The following RAB27B variants were observed in gnomAD, a reference collection of about 807,000 sequenced individuals.
RAB27B encodes the protein ras-related protein Rab-27B.
Under a neutral mutation model 24.6 loss-of-function variants are expected in RAB27B, and 15 were observed. The ratio of observed to expected loss-of-function variants is 0.61; its 90% CI spans 0.41 to 0.94. The LOEUF (loss-of-function observed/expected upper bound fraction) is 0.94. Ranked by LOEUF, RAB27B falls within the 40% of genes least tolerant of loss-of-function variation. The pLI is 0.00. For synonymous variants in RAB27B, 105 were observed against 92.5 expected (o/e 1.14, Z -0.78); for missense variants, 261 against 266.8 (o/e 0.98, Z 0.15).
chr18:54,763,822 C>T (rs1452442141), intron 2 of RAB27B, among the ~76,000 whole-genome samples: 3 of 152,160 alleles, frequency 2.0e-5, no homozygotes, highest in African/African-American at 7.2e-5. Flanking sequence ...CAGCAAGTGT[C>T]TGGTCTCAGT....
At chr18:54,734,272 G>A (rs1909822066) in intron 2 of RAB27B, among the ~76,000 whole-genome samples, 1 of 152,094 alleles carries the variant, frequency 6.6e-6, no homozygotes, top group South Asian at 2.1e-4. Context: ...TCACTCCACT[G>A]TAGAGTCGGA....
intron 2 of RAB27B, among the ~76,000 whole-genome samples, chr18:54,799,263 C>A (rs1294291195): frequency 6.6e-6 from 1 of 152,082 alleles, no homozygotes; most frequent in East Asian, 1.9e-4. Context: ...CTTCATTTAT[C>A]ATCAATGACA....
At chr18:54,794,728 C>T (rs542433436) in intron 2 of RAB27B, among the ~76,000 whole-genome samples, 4 of 152,294 alleles carry the variant, frequency 2.6e-5, no homozygotes, top group African/African-American at 7.2e-5. Flanking sequence ...GATTAGCTAG[C>T]GCTGAACAGA....
At chr18:54,769,392 C>T (rs952467802) in intron 2 of RAB27B, among the ~76,000 whole-genome samples, 4 of 151,904 alleles carry the variant, frequency 2.6e-5, no homozygotes, top group Non-Finnish European at 5.9e-5. Context: ...AAGTATATTT[C>T]TTCACCATTT....
intron 2 of RAB27B, chr18:54,745,664 T>TA (rs916899465): frequency 6.6e-6 from 1 of 151,744 alleles, no homozygotes; most frequent in East Asian, 1.9e-4. Flanking sequence ...AAAACATTAA[T>TA]AAAAATAAAA....
chr18:54,834,794 CTT>C lies in RAB27B; in HGVS notation c.-20+6096_-20+6097del, dbSNP rs1910830356. ...AAACGTTTAGGGAAAAAGCATAAGA[CTT>C]TATTTTAGTCCTCTTTCTGGCTTCG... On this transcript the variant is annotated intron_variant, in intron 1 of 5. Transcript: ENST00000262094. 2.0e-5 allele frequency among the ~76,000 whole-genome samples: 3 copies of C among 150,046 alleles called. No homozygotes were observed. In the South Asian group the frequency reaches 6.2e-4, roughly 31 times the overall value.
At chr18:54,739,722 T>C (rs1034177309) in intron 2 of RAB27B, among the ~76,000 whole-genome samples, 2 of 152,236 alleles carry the variant, frequency 1.3e-5, no homozygotes, top group Non-Finnish European at 2.9e-5. Context: ...TCCAAAGTGA[T>C]TGTTGCATTT....
At chr18:54,768,533 A>G (rs925035360) in intron 2 of RAB27B, among the ~76,000 whole-genome samples, 1 of 152,088 alleles carries the variant, frequency 6.6e-6, no homozygotes, top group African/African-American at 2.4e-5. Flanking sequence ...TATTGTCATC[A>G]CTAAACTACC....
Position 54,789,763 on chromosome 18 carries a change from A to G in RAB27B, c.-20+71622A>G, listed in dbSNP as rs9951578. ...TATCACAAGGACTGGTTATGTTAAA[A>G]TTACCTTCTTCATCCTTCCTATTTC... On this transcript the variant is annotated intron_variant, in intron 2 of 4. Coordinates refer to the RAB27B transcript ENST00000586570. Among the ~76,000 whole-genome samples the G allele has an allele frequency of 5.9e-3, 896 of 152,214 alleles. 6 individuals carry two copies. The highest frequency in any genetic ancestry group is 0.021 in the African/African-American group (853 of 41,568).
intron 1 of RAB27B, among the ~76,000 whole-genome samples, chr18:54,851,217 T>C (rs540757210): frequency 6.6e-6 from 1 of 152,316 alleles, no homozygotes; most frequent in African/African-American, 2.4e-5. Flanking sequence ...ACATGTATTA[T>C]TCATTTTGTC....
At chr18:54,837,078 T>C (rs2145193994) in intron 1 of RAB27B, among the ~76,000 whole-genome samples, 1 of 150,174 alleles carries the variant, frequency 6.7e-6, no homozygotes, top group East Asian at 2.0e-4. Flanking sequence ...TAAGATATAG[T>C]TCCTACTCTT....
intron 1 of RAB27B, among the ~76,000 whole-genome samples, chr18:54,866,122 G>T (rs146144107): frequency 2.0e-5 from 3 of 152,284 alleles, no homozygotes; most frequent in African/African-American, 7.2e-5. Flanking sequence ...CACTATGAGT[G>T]TGTTTTGAGA....
chr18:54,823,436 T>C (rs896166846), intron 2 of RAB27B, among the ~76,000 whole-genome samples: 8 of 152,114 alleles, frequency 5.3e-5, no homozygotes, highest in Admixed American at 2.6e-4. Context: ...TCAAGAGAAA[T>C]TTTTAAGAGG....
chr18:54,838,546 T>C (rs1042448880), intron 1 of RAB27B, among the ~76,000 whole-genome samples: 4 of 152,206 alleles, frequency 2.6e-5, no homozygotes, highest in Non-Finnish European at 5.9e-5. Flanking sequence ...ACTTGTTCGA[T>C]TGAGATATTC....
intron 2 of RAB27B, among the ~76,000 whole-genome samples, chr18:54,818,955 T>C (rs530142323): frequency 4.1e-4 from 62 of 152,032 alleles, no homozygotes; most frequent in African/African-American, 1.4e-3. Context: ...CATATTCATA[T>C]TTTATATGAA....
chr18:54,869,902 G>C (rs781667611), intron 1 of RAB27B, among the ~76,000 whole-genome samples: 1 of 152,084 alleles, frequency 6.6e-6, no homozygotes, highest in Non-Finnish European at 1.5e-5. Flanking sequence ...TAACATTTCA[G>C]CTTTACAAAA....
At chr18:54,811,688 A>C (rs1013205287) in intron 2 of RAB27B, among the ~76,000 whole-genome samples, 1 of 152,196 alleles carries the variant, frequency 6.6e-6, no homozygotes, top group African/African-American at 2.4e-5. Context: ...TTACGTTGCC[A>C]GGGTGAAATT....
intron 2 of RAB27B, among the ~76,000 whole-genome samples, chr18:54,766,748 T>C (rs946860527): frequency 1.3e-5 from 2 of 152,172 alleles, no homozygotes; most frequent in African/African-American, 4.8e-5. Flanking sequence ...TCTGGTAGTT[T>C]ATGTGCTGGT....
At chr18:54,729,436 A>G (rs1252953077) in intron 2 of RAB27B, among the ~76,000 whole-genome samples, 3 of 152,198 alleles carry the variant, frequency 2.0e-5, no homozygotes, top group Non-Finnish European at 2.9e-5. Flanking sequence ...TACATCCTCA[A>G]TATATTAGAG....
Sources: gnomAD v4.1 joint callset for allele counts (sites outside exome capture counted in the v4.1 genomes callset) on GRCh38, gnomAD v4.1.1 for gene constraint, MANE v1.5 for transcripts, NCBI Gene and HGNC (gene_info 2026-07-23, HGNC 2026-07-21) for gene names.